Variants in EFCAB13 observed in about 807,000 individuals in gnomAD.
EFCAB13 encodes the protein EF-hand calcium-binding domain-containing protein 13.
EFCAB13 carries 91 observed loss-of-function variants against 110.2 expected under a neutral mutation model. That is an observed-to-expected ratio of 0.83 (90% CI 0.70 to 0.98). EFCAB13 has a LOEUF of 0.98. Ranked by LOEUF, EFCAB13 falls within the 50% of genes least tolerant of loss-of-function variation. The pLI, the probability that EFCAB13 is intolerant of heterozygous loss-of-function variation, is 0.00. For missense variants in EFCAB13, 968 were observed against 1,119.4 expected (o/e 0.86, Z 1.93); for synonymous variants, 323 against 369.9 (o/e 0.87, Z 1.45).
Position 47,415,634 on chromosome 17 carries a change from CAT to C in EFCAB13, c.2494+716_2494+717del, listed in dbSNP as rs560023965. ...TGACTTGTGGATCTATGAATTAAAT[CAT>C]GTGTGGAATTGGATGAGGGACCACC... On this transcript the variant is annotated intron_variant, in intron 23 of 24. Coordinates refer to ENST00000331493, the MANE Select transcript of EFCAB13 (RefSeq NM_152347.5). Among the ~76,000 whole-genome samples the C allele has an allele frequency of 5.7e-4, 87 of 152,252 alleles. 2 individuals are homozygous for C. The East Asian group carries it at 0.014, about 24-fold the overall frequency.
At chr17:47,350,264 A>AT (rs2065442116) in intron 9 of EFCAB13, among the ~76,000 whole-genome samples, 1 of 152,190 alleles carries the variant, frequency 6.6e-6, no homozygotes, top group Non-Finnish European at 1.5e-5. Flanking sequence ...CATAAAAGGC[A>AT]TTACAAAACC....
At chr17:47,332,355 A>G (rs958149425) in intron 4 of EFCAB13, among the ~76,000 whole-genome samples, 3 of 152,162 alleles carry the variant, frequency 2.0e-5, no homozygotes, top group Non-Finnish European at 2.9e-5. Flanking sequence ...CTATGTATAC[A>G]TTATAGAAAT....
chr17:47,328,342 C>G lies in EFCAB13; in HGVS notation c.-12C>G, dbSNP rs750077022. 1.2e-6 allele frequency: 2 copies of G among 1,605,338 alleles called. No individual in the cohort carries two copies. The highest frequency in any genetic ancestry group is 2.2e-5 in the East Asian group (1 of 44,700). ...GAGTCCTTAAGGACAGAATTTACCTCTAAACAGAAAGATGGAAACTAAAGT... is the reference window on the plus strand; with the variant it reads ...GAGTCCTTAAGGACAGAATTTACCTGTAAACAGAAAGATGGAAACTAAAGT... On this transcript the variant is annotated 5_prime_UTR_variant, in exon 4 of 25. Coordinates refer to ENST00000331493, the MANE Select transcript of EFCAB13 (RefSeq NM_152347.5).
chr17:47,368,225 A>C (rs1193516197), intron 10 of EFCAB13, among the ~76,000 whole-genome samples: 1 of 152,230 alleles, frequency 6.6e-6, no homozygotes, highest in Non-Finnish European at 1.5e-5. Context: ...TTGGAAGAGA[A>C]GAACAAAGTT....
chr17:47,421,639 AAG>A (rs1294592498), intron 23 of EFCAB13, among the ~76,000 whole-genome samples: 1 of 68,834 alleles, frequency 1.5e-5, no homozygotes, highest in Non-Finnish European at 2.8e-5. Context: ...AAAAGAAAGA[AAG>A]AAAAAAAAAA....
intron 14 of EFCAB13, among the ~76,000 whole-genome samples, chr17:47,380,496 T>C (rs2065641183): frequency 6.6e-6 from 1 of 152,186 alleles, no homozygotes; most frequent in Non-Finnish European, 1.5e-5. Context: ...GGCATTTGGG[T>C]TGGTTCCAAG....
At chr17:47,394,339 C>T (rs57517411) in intron 16 of EFCAB13, among the ~76,000 whole-genome samples, 7,590 of 152,136 alleles carry the variant, frequency 0.05, 253 homozygotes, top group East Asian at 0.11. Context: ...TTTTCATTAG[C>T]GCACTTATAG....
At chr17:47,370,553 A>T (rs754093547) in intron 11 of EFCAB13, 45 bp downstream of exon 11, 2 of 1,282,476 alleles carry the variant, frequency 1.6e-6, no homozygotes, top group Admixed American at 3.8e-5. Context: ...TTATAATTAA[A>T]GTCTTTACAT....
rs78561706 is a variant in EFCAB13, at chr17:47,344,197, G to A, written c.339G>A (p.Lys113=). 6.1e-3 allele frequency: 9,864 copies of A among 1,613,128 alleles called. 255 individuals carry two copies. The highest frequency in any genetic ancestry group is 0.061 in the East Asian group (2,725 of 44,816). The change falls in exon 7 of 25, where the codon AAG becomes AAA. Residue 113 remains lysine, a synonymous_variant. Transcript: ENST00000331493. ...IPPFLKLSKE[K]VTRKENSLCK... is the part of the protein sequence containing the mutation. ...CTTTTCTGAAGCTGTCAAAGGAGAAGGTGACAAGGAAAGAAAACTCTTTAT... is the reference window on the plus strand; with the variant it reads ...CTTTTCTGAAGCTGTCAAAGGAGAAAGTGACAAGGAAAGAAAACTCTTTAT...
At chr17:47,383,145 T>C (rs1271047501) in intron 14 of EFCAB13, among the ~76,000 whole-genome samples, 1 of 152,194 alleles carries the variant, frequency 6.6e-6, no homozygotes, top group Non-Finnish European at 1.5e-5. Context: ...TTTATCATTT[T>C]TTATTGTGTC....
chr17:47,385,549 T>A (rs2065671567), intron 14 of EFCAB13, among the ~76,000 whole-genome samples: 1 of 152,054 alleles, frequency 6.6e-6, no homozygotes, highest in Non-Finnish European at 1.5e-5. Context: ...TCCTGTAACC[T>A]TTTGTCAGGG....
intron 20 of EFCAB13, among the ~76,000 whole-genome samples, chr17:47,406,049 G>T (rs1009972716): frequency 2.0e-5 from 3 of 151,982 alleles, no homozygotes; most frequent in African/African-American, 7.2e-5. Context: ...GTTGCATTTT[G>T]ATTTTCTCCT....
chr17:47,364,971 T>C (rs1470515120), intron 10 of EFCAB13, among the ~76,000 whole-genome samples: 1 of 152,202 alleles, frequency 6.6e-6, no homozygotes, highest in Non-Finnish European at 1.5e-5. Flanking sequence ...TTGAACCTTT[T>C]TCTCCCCTTA....
At chr17:47,395,006 T>TC (rs2065729274) in intron 16 of EFCAB13, among the ~76,000 whole-genome samples, 1 of 152,180 alleles carries the variant, frequency 6.6e-6, no homozygotes, top group Non-Finnish European at 1.5e-5. Context: ...TCCATATACC[T>TC]CATTGGGACC....
chr17:47,354,779 C>G (rs1433589364), intron 9 of EFCAB13, among the ~76,000 whole-genome samples: 1 of 152,166 alleles, frequency 6.6e-6, no homozygotes, highest in Non-Finnish European at 1.5e-5. Flanking sequence ...TCAAGTGAGT[C>G]TCTTGAAGAC....
intron 4 of EFCAB13, among the ~76,000 whole-genome samples, chr17:47,329,689 G>C (rs74626683): frequency 0.041 from 6,197 of 152,028 alleles, 289 homozygotes; most frequent in East Asian, 0.24. Context: ...TTCTGAGATT[G>C]TTTTCTTCTT....
At chr17:47,406,523 C>T (rs184955251) in intron 20 of EFCAB13, among the ~76,000 whole-genome samples, 42 of 152,258 alleles carry the variant, frequency 2.8e-4, no homozygotes, top group Non-Finnish European at 3.7e-4. Flanking sequence ...TTCCCTAGTT[C>T]ATTAGAGACA....
intron 9 of EFCAB13, among the ~76,000 whole-genome samples, chr17:47,359,802 A>T (rs2065501773): frequency 9.2e-6 from 1 of 109,234 alleles, no homozygotes; most frequent in Non-Finnish European, 1.7e-5. Context: ...CAGTCCCCAG[A>T]GTGTGATGTT....
chr17:47,335,440 T>C, intron 5 of EFCAB13, 84 bp downstream of exon 5: 5 of 1,135,026 alleles, frequency 4.4e-6, no homozygotes, highest in Non-Finnish European at 6.2e-6. Context: ...GCTTATGCGT[T>C]CTCATAATGT....
Sources: allele counts gnomAD v4.1 joint callset (sites outside exome capture counted in the v4.1 genomes callset), GRCh38; gene constraint gnomAD v4.1.1; transcripts MANE v1.5; gene names NCBI Gene and HGNC (gene_info 2026-07-23, HGNC 2026-07-21).